The following PLCL2 variants were observed in gnomAD, a reference collection of about 807,000 sequenced individuals.
PLCL2 encodes phospholipase C like 2, also known as inactive phospholipase C-like protein 2.
PLCL2 carries 4 observed loss-of-function variants against 79.6 expected under a neutral mutation model. The ratio of observed to expected loss-of-function variants is 0.05; its 90% CI spans 0.02 to 0.11. The LOEUF (loss-of-function observed/expected upper bound fraction) is 0.11. Among genes scored for constraint, PLCL2 ranks in the 10% least tolerant of loss-of-function variants. PLCL2 has a pLI of 1.00. For synonymous variants in PLCL2, 484 were observed against 457.7 expected (o/e 1.06, Z -0.73); for missense variants, 895 against 1,291.0 (o/e 0.69, Z 4.70).
chr3:16,926,518 A>AT (rs932202236), intron 1 of PLCL2, among the ~76,000 whole-genome samples: 5 of 152,202 alleles, frequency 3.3e-5, no homozygotes, highest in Non-Finnish European at 7.3e-5. Flanking sequence ...TTTAAATGTA[A>AT]TTTTTTGAAA....
At chr3:17,043,259 T>C (rs960355746) in intron 4 of PLCL2, among the ~76,000 whole-genome samples, 1 of 152,174 alleles carries the variant, frequency 6.6e-6, no homozygotes, top group Non-Finnish European at 1.5e-5. Flanking sequence ...TCTTCAGTGT[T>C]AACTGTGTTG....
chr3:16,942,205 C>A (rs2063553949), intron 1 of PLCL2, among the ~76,000 whole-genome samples: 1 of 152,202 alleles, frequency 6.6e-6, no homozygotes, highest in Non-Finnish European at 1.5e-5. Context: ...TGTAGGAAAT[C>A]TGGAGTGAGA....
intron 1 of PLCL2, among the ~76,000 whole-genome samples, chr3:16,917,573 G>T (rs1697026604): frequency 6.6e-6 from 1 of 152,182 alleles, no homozygotes; most frequent in Admixed American, 6.5e-5. Flanking sequence ...CCTTTGCAGG[G>T]ATAGCAGGAC....
At chr3:17,078,208 T>C (rs1447186584) in intron 5 of PLCL2, among the ~76,000 whole-genome samples, 1 of 152,204 alleles carries the variant, frequency 6.6e-6, no homozygotes, top group Non-Finnish European at 1.5e-5. Context: ...TGGCTCCCTT[T>C]AGTGGCTGTT....
At chr3:16,937,307 T>C (rs952861604) in intron 1 of PLCL2, among the ~76,000 whole-genome samples, 1 of 152,186 alleles carries the variant, frequency 6.6e-6, no homozygotes, top group Non-Finnish European at 1.5e-5. Flanking sequence ...TTTCATAGCA[T>C]TCCAAGGCAC....
chr3:16,975,987 C>T (rs766052994), intron 1 of PLCL2, among the ~76,000 whole-genome samples: 2 of 152,094 alleles, frequency 1.3e-5, no homozygotes, highest in African/African-American at 4.8e-5. Context: ...CCTTAATTCC[C>T]GTTTTAGAAA....
At chr3:16,988,624 G>T (rs1379944798) in intron 1 of PLCL2, among the ~76,000 whole-genome samples, 2 of 151,956 alleles carry the variant, frequency 1.3e-5, no homozygotes, top group African/African-American at 4.8e-5. Context: ...TTTTTTGGCT[G>T]TGTCTGTACT....
In PLCL2 at chr3:16,901,580, C is replaced by T. The variant is rs147947219; in HGVS notation, c.327+16214C>T. ...TAGCCTTTGTCTTGAGACCTGTACACTGGTCCTCCTCTGTTAATTAACAGG... is the reference window on the plus strand; with the variant it reads ...TAGCCTTTGTCTTGAGACCTGTACATTGGTCCTCCTCTGTTAATTAACAGG... On this transcript the variant is annotated intron_variant, in intron 1 of 5. Transcript: ENST00000615277. Among the ~76,000 whole-genome samples, 343 of 152,334 alleles carry T rather than the reference C, an allele frequency of 2.3e-3. 1 individual carries two copies. The highest frequency in any genetic ancestry group is 3.9e-3 in the Non-Finnish European group (263 of 68,026).
intron 1 of PLCL2, among the ~76,000 whole-genome samples, chr3:16,889,167 C>T (rs1696290131): frequency 6.6e-6 from 1 of 152,126 alleles, no homozygotes; most frequent in South Asian, 2.1e-4. Context: ...AAAGTGCTTA[C>T]CGTAATTCTC....
rs1209326446 is a variant in PLCL2 at position 17,011,190 on chromosome 3, G to T, written c.1844G>T (p.Cys615Phe). Residue 615 changes from cysteine (C) to phenylalanine (F), a missense_variant, in exon 2 of 6, where the codon TGT becomes TTT. By Grantham distance (205) the Cys-to-Phe change is radical (BLOSUM62 -2). Coordinates refer to ENST00000615277, the MANE Select transcript of PLCL2 (RefSeq NM_001144382.2). The surrounding 1 kb of genome is among the most constrained non-coding windows in gnomAD (Gnocchi z 7.9). The part of the protein sequence containing the change: ...NNVPVKRFQL[C>F]KELSELVSIC... ...GTGCCTGTGAAGCGATTTCAGCTTT[G>T]TAAAGAACTGTCTGAACTGGTCAGC... The T allele has an allele frequency of 1.2e-6, 2 of 1,614,174 alleles. No individual in the cohort carries two copies.
At chr3:16,904,369 G>A (rs1490287061) in intron 1 of PLCL2, among the ~76,000 whole-genome samples, 2 of 151,486 alleles carry the variant, frequency 1.3e-5, no homozygotes, top group Non-Finnish European at 2.9e-5. Flanking sequence ...GTTTTCTAGA[G>A]AACCGGTTTG....
chr3:17,016,410 A>G lies in PLCL2; in HGVS notation c.3018+1499A>G, dbSNP rs1315282134. On this transcript the variant is annotated intron_variant, in intron 3 of 5. Coordinates refer to ENST00000615277, the MANE Select transcript of PLCL2 (RefSeq NM_001144382.2). ...ATGGTAACCTTAAGAGACACCAGGA[A>G]CTGAATATTGGACACTGCAAGCAAA... Among the ~76,000 whole-genome samples, 19 of 152,346 alleles carry G rather than the reference A, an allele frequency of 1.2e-4. 1 individual carries two copies. The highest frequency in any genetic ancestry group is 7.3e-5 in the Non-Finnish European group (5 of 68,032).
chr3:16,901,433 T>A (rs1420962843), intron 1 of PLCL2, among the ~76,000 whole-genome samples: 1 of 152,210 alleles, frequency 6.6e-6, no homozygotes, highest in Non-Finnish European at 1.5e-5. Context: ...CATCCTCGAC[T>A]TGGGCAGTGC....
At chr3:16,956,323 G>T (rs931794375) in intron 1 of PLCL2, among the ~76,000 whole-genome samples, 5 of 152,182 alleles carry the variant, frequency 3.3e-5, no homozygotes, top group Non-Finnish European at 7.3e-5. Context: ...TTATATGCTG[G>T]ATTATGTTTA....
intron 1 of PLCL2, among the ~76,000 whole-genome samples, chr3:16,925,445 A>G (rs993283210): frequency 6.6e-6 from 1 of 152,142 alleles, no homozygotes; most frequent in Admixed American, 6.5e-5. Flanking sequence ...AGGGCATACA[A>G]TCCATTAGTT....
In PLCL2 at chr3:16,965,261, G is replaced by C. The variant is rs186197868; in HGVS notation, c.328-44413G>C. Among the ~76,000 whole-genome samples the C allele has an allele frequency of 7.4e-3, 1,133 of 152,174 alleles. 19 individuals carry two copies. Among genetic ancestry groups the C allele is most frequent in the African/African-American group, 0.026 (1,082 of 41,544 alleles). ...ATGGCTAGCCAGTTTTCCCAGCACC[G>C]TTTATTAAATAGGGAATCCTTTCTC... On this transcript the variant is annotated intron_variant, in intron 1 of 5. Transcript: ENST00000615277.
At chr3:16,994,562 T>C (rs1297539196) in intron 1 of PLCL2, among the ~76,000 whole-genome samples, 1 of 152,216 alleles carries the variant, frequency 6.6e-6, no homozygotes, top group Non-Finnish European at 1.5e-5. Context: ...AATTTTTAAA[T>C]TACTCATTAA....
At chr3:17,012,187 T>C in intron 2 of PLCL2, 27 bp downstream of exon 2, 1 of 1,575,082 alleles carries the variant, frequency 6.3e-7, no homozygotes, top group Non-Finnish European at 8.6e-7. Flanking sequence ...AATCATTTAC[T>C]CAATGGTTTT....
chr3:16,975,349 G>C (rs563910091), intron 1 of PLCL2, among the ~76,000 whole-genome samples: 1 of 152,266 alleles, frequency 6.6e-6, no homozygotes, highest in South Asian at 2.1e-4. Context: ...GTGAAGCCCA[G>C]AATCACTCAG....
Sources: allele counts gnomAD v4.1 joint callset (sites outside exome capture counted in the v4.1 genomes callset), GRCh38; gene constraint gnomAD v4.1.1; non-coding constraint Gnocchi (gnomAD v3.1); transcripts MANE v1.5; gene names NCBI Gene and HGNC (gene_info 2026-07-23, HGNC 2026-07-21).